The following SHISAL2B variants were observed in gnomAD, a reference collection of about 807,000 sequenced individuals.
SHISAL2B encodes shisa like 2B, also known as protein shisa-like-2B.
SHISAL2B carries 12 observed loss-of-function variants against 16.5 expected under a neutral mutation model. That is an observed-to-expected ratio of 0.73 (90% CI 0.47 to 1.18). The LOEUF is 1.18. Among genes scored for constraint, SHISAL2B ranks in the 50% most tolerant of loss-of-function variants. SHISAL2B has a pLI of 0.00. For missense variants in SHISAL2B, 183 were observed against 193.6 expected (o/e 0.95, Z 0.33); for synonymous variants, 72 against 75.0 (o/e 0.96, Z 0.21).
At chr5:64,698,819 A>G (rs1741771443) in intron 2 of SHISAL2B, among the ~76,000 whole-genome samples, 1 of 152,224 alleles carries the variant, frequency 6.6e-6, no homozygotes, top group Non-Finnish European at 1.5e-5. Context: ...TATTCCATGA[A>G]TGAATTGAAT....
At chr5:64,704,585 G>A (rs1741850610) in intron 2 of SHISAL2B, among the ~76,000 whole-genome samples, 1 of 152,256 alleles carries the variant, frequency 6.6e-6, no homozygotes, top group Non-Finnish European at 1.5e-5. Context: ...TCGAATCTTG[G>A]CAATTCCCAC....
In SHISAL2B at chr5:64,713,368, C is replaced by T. The variant is rs1394071197; in HGVS notation, c.350-4521C>T. Among the ~76,000 whole-genome samples the T allele has an allele frequency of 2.2e-5, 2 of 89,274 alleles. 1 individual carries two copies. The highest frequency in any genetic ancestry group is 4.0e-5 in the Non-Finnish European group (2 of 49,560). 58.6% of individuals were successfully genotyped at this position (89,274 alleles called of 152,430 possible). On this transcript the variant is annotated intron_variant, in intron 2 of 2. Transcript: ENST00000389074. ...TCTTTAAGAATGTTGAATATTGGCC[C>T]CCACTCTCTTCTGGCTTGTAGGGTT... is the stretch of plus-strand genomic sequence containing the variant.
chr5:64,702,573 G>A (rs1233778832), intron 2 of SHISAL2B, among the ~76,000 whole-genome samples: 3 of 151,726 alleles, frequency 2.0e-5, no homozygotes, highest in Non-Finnish European at 2.9e-5. Flanking sequence ...GTTACCTATG[G>A]TTATCTAATT....
chr5:64,706,950 A>C (rs1741883428), intron 2 of SHISAL2B, among the ~76,000 whole-genome samples: 1 of 152,184 alleles, frequency 6.6e-6, no homozygotes, highest in Non-Finnish European at 1.5e-5. Flanking sequence ...TGTAGCCTGG[A>C]AAAACTTTAT....
At chr5:64,715,566 A>G (rs912285188) in intron 2 of SHISAL2B, among the ~76,000 whole-genome samples, 1 of 152,208 alleles carries the variant, frequency 6.6e-6, no homozygotes, top group African/African-American at 2.4e-5. Context: ...GAACCACCAA[A>G]GAAAAGGAAG....
chr5:64,698,990 T>A (rs1242843889), intron 2 of SHISAL2B, among the ~76,000 whole-genome samples: 1 of 152,260 alleles, frequency 6.6e-6, no homozygotes, highest in African/African-American at 2.4e-5. Flanking sequence ...GCTTAGATAC[T>A]GCTCCAAAAT....
At chr5:64,717,545 T>C (rs1742074629) in intron 2 of SHISAL2B, among the ~76,000 whole-genome samples, 1 of 152,178 alleles carries the variant, frequency 6.6e-6, no homozygotes, top group African/African-American at 2.4e-5. Context: ...TGATTGGCTT[T>C]AGTGTAGTTT....
At chr5:64,696,956 G>A (rs759158036) in intron 2 of SHISAL2B, among the ~76,000 whole-genome samples, 5 of 151,944 alleles carry the variant, frequency 3.3e-5, no homozygotes, top group African/African-American at 4.8e-5. Context: ...CTCCCTATTC[G>A]TATACCCCCT....
At chr5:64,715,373 G>C (rs2112075249) in intron 2 of SHISAL2B, among the ~76,000 whole-genome samples, 1 of 152,166 alleles carries the variant, frequency 6.6e-6, no homozygotes, top group Non-Finnish European at 1.5e-5. Context: ...ACTTCTAATG[G>C]AAGGAGTCTT....
At chr5:64,694,213 C>A in intron 1 of SHISAL2B, 1 of 391,452 alleles carries the variant, frequency 2.6e-6, no homozygotes. Context: ...GATCAATTGG[C>A]AGTCAATTAT....
intron 2 of SHISAL2B, among the ~76,000 whole-genome samples, chr5:64,714,162 T>C (rs1314167796): frequency 6.7e-6 from 1 of 148,284 alleles, no homozygotes; most frequent in Non-Finnish European, 1.5e-5. Flanking sequence ...TTTCCCCATC[T>C]TTGTGGTTTT....
rs1178274671 is a variant in SHISAL2B at position 64,695,534 on chromosome 5, T to G, written c.219T>G (p.Ile73Met). The G allele has an allele frequency of 1.3e-6, 2 of 1,536,156 alleles. No individual in the cohort carries two copies. Among genetic ancestry groups the G allele is most frequent in the Admixed American group, 3.9e-5 (2 of 50,762 alleles). Residue 73 changes from isoleucine to methionine, a missense_variant, in exon 2 of 3, where the codon ATT becomes ATG. By Grantham distance (10) the Ile-to-Met change is conservative. Transcript: ENST00000389074. ...TTGGTGCCTTGATTGGACTAGGAAT[T>G]GCTGCCCTTGTTTTACTCGCCTTTG... ...LSIGALIGLG[I>M]AALVLLAFVI...
chr5:64,715,971 G>T (rs906568845), intron 2 of SHISAL2B, among the ~76,000 whole-genome samples: 2 of 152,058 alleles, frequency 1.3e-5, no homozygotes, highest in African/African-American at 4.8e-5. Flanking sequence ...TTGTTAAAGC[G>T]GAATTACAGG....
At chr5:64,710,969 C>CA (rs1580526271) in intron 2 of SHISAL2B, among the ~76,000 whole-genome samples, 1 of 141,806 alleles carries the variant, frequency 7.1e-6, no homozygotes, top group East Asian at 2.0e-4. Context: ...GATAAACAAT[C>CA]ATGTTGTCTG....
chr5:64,714,808 G>C (rs1181064410), intron 2 of SHISAL2B, among the ~76,000 whole-genome samples: 2 of 152,108 alleles, frequency 1.3e-5, no homozygotes, highest in African/African-American at 4.8e-5. Context: ...GATTTTCCAG[G>C]TGTGTCCGTC....
chr5:64,690,710 G>C lies in SHISAL2B; in HGVS notation c.87G>C (p.Glu29Asp), dbSNP rs1256136305. 4.6e-6 allele frequency: 7 copies of C among 1,535,534 alleles called. No homozygotes were observed. Among genetic ancestry groups the C allele is most frequent in the Non-Finnish European group, 1.7e-6 (2 of 1,146,480 alleles). The change falls in exon 1 of 3, where the codon GAG becomes GAC. Residue 29 changes from glutamate to aspartate, a missense_variant. Transcript: ENST00000389074. ...VEPFQCPRRG[E>D]GAALQYCCGF... ...CCTTCCAGTGCCCCCGGCGCGGCGA[G>C]GGGGCAGCGCTCCAGTATTGCTGCG... is the stretch of plus-strand genomic sequence containing the variant.
intron 1 of SHISAL2B, among the ~76,000 whole-genome samples, chr5:64,693,789 A>T (rs1264025830): frequency 6.6e-6 from 1 of 152,066 alleles, no homozygotes; most frequent in African/African-American, 2.4e-5. Context: ...TTGAAATATA[A>T]CTCTACAGTG....
rs570710416 is a variant in SHISAL2B, at chr5:64,691,927, C to G, written c.191+1113C>G. On this transcript the variant is annotated intron_variant, in intron 1 of 2. Transcript: ENST00000389074. The stretch of plus-strand genomic sequence containing the variant: ...ATGACCCAGAATTTAACACACATGC[C>G]AAGTCTATAGCAAATGACTAAATGT... Among the ~76,000 whole-genome samples the G allele has an allele frequency of 7.2e-5, 11 of 152,186 alleles. No homozygotes were observed. The South Asian group carries it at 1.9e-3, about 26-fold the overall frequency.
At chr5:64,702,084 A>G (rs1741816160) in intron 2 of SHISAL2B, among the ~76,000 whole-genome samples, 1 of 152,238 alleles carries the variant, frequency 6.6e-6, no homozygotes, top group Non-Finnish European at 1.5e-5. Context: ...TCACCAAAAG[A>G]TATAAAGATA....
Sources: gnomAD v4.1 joint callset for allele counts (sites outside exome capture counted in the v4.1 genomes callset) on GRCh38, gnomAD v4.1.1 for gene constraint, MANE v1.5 for transcripts, NCBI Gene and HGNC (gene_info 2026-07-23, HGNC 2026-07-21) for gene names.